Variants in INVS observed in about 807,000 individuals in gnomAD.
The protein encoded by INVS is inversion of embryo turning homolog.
INVS carries 86 observed loss-of-function variants against 108.8 expected under a neutral mutation model. The observed-to-expected ratio is 0.79, with a 90% CI of 0.66 to 0.95. INVS has a LOEUF of 0.95. Among genes scored for constraint, INVS ranks in the 40% least tolerant of loss-of-function variants. The pLI, the probability that INVS is intolerant of heterozygous loss-of-function variation, is 0.00. For synonymous variants in INVS, 455 were observed against 473.5 expected (o/e 0.96, Z 0.51); for missense variants, 1,169 against 1,297.4 (o/e 0.90, Z 1.52).
rs778454721 is a variant in INVS, at chr9:100,272,983, C to G, written c.1691C>G (p.Ala564Gly). ...IQDIAAFKIQ[A>G]VYKGYKVRKA... is the part of the protein sequence containing the mutation. ...GACATCGCCGCCTTCAAAATCCAAG[C>G]TGTCTACAAAGGGTACAAGGTCAGA... is the stretch of plus-strand genomic sequence containing the variant. Residue 564 changes from alanine (A) to glycine (G), a missense_variant, in exon 12 of 17, where the codon GCT becomes GGT. This residue lies in a region of INVS where 271 missense variants were observed against 363.8 expected (regional missense o/e 0.74). Transcript: ENST00000262457. 10 of 1,613,978 alleles carry G rather than the reference C, an allele frequency of 6.2e-6. No individual in the cohort carries two copies. The highest frequency in any genetic ancestry group is 8.5e-6 in the Non-Finnish European group (10 of 1,180,018).
rs527916110 is a variant in INVS, at chr9:100,155,271, A to G, written c.273+28722A>G. Among the ~76,000 whole-genome samples the G allele has an allele frequency of 1.9e-4, 29 of 152,098 alleles. 1 individual carries two copies. The South Asian group carries it at 4.2e-3, about 22-fold the overall frequency. On this transcript the variant is annotated intron_variant, in intron 3 of 16. Coordinates refer to ENST00000262457, the MANE Select transcript of INVS (RefSeq NM_014425.5). ...ATTGATAGACAAATAAAACAAAGAC[A>G]CCTGTGTATTAAGTTGGTAGCTTAA...
intron 3 of INVS, among the ~76,000 whole-genome samples, chr9:100,196,910 G>A (rs1398988749): frequency 6.6e-6 from 1 of 151,820 alleles, no homozygotes; most frequent in African/African-American, 2.4e-5. Flanking sequence ...TCTCTCACTC[G>A]ACACAAAATC....
rs371932940 is a variant in INVS, at chr9:100,292,942, C to G, written c.2685C>G (p.Pro895=). 5.0e-6 allele frequency: 8 copies of G among 1,613,128 alleles called. No homozygotes were observed. Among genetic ancestry groups the G allele is most frequent in the Non-Finnish European group, 6.8e-6 (8 of 1,179,160 alleles). ...AGAGTGTGAATATTGACCTTCTCCCCGTAGAGCTCCGACTGCAGATAATTC... is the reference window on the plus strand; with the variant it reads ...AGAGTGTGAATATTGACCTTCTCCCGGTAGAGCTCCGACTGCAGATAATTC... The part of the protein sequence containing the change: ...SGQSVNIDLL[P]VELRLQIIQR... The change falls in exon 14 of 17, where the codon CCC becomes CCG. Residue 895 remains proline (P), a synonymous_variant. Transcript: ENST00000262457.
chr9:100,100,074 A>T (rs1483866000), intron 1 of INVS, among the ~76,000 whole-genome samples: 1 of 152,164 alleles, frequency 6.6e-6, no homozygotes. Context: ...CTAGTTTTGT[A>T]CGGTTATAAT....
At chr9:100,212,612 T>C (rs1205939839) in intron 3 of INVS, among the ~76,000 whole-genome samples, 5 of 152,162 alleles carry the variant, frequency 3.3e-5, no homozygotes, top group African/African-American at 7.2e-5. Context: ...TATTTTTTTC[T>C]CCCATCTCTT....
intron 5 of INVS, among the ~76,000 whole-genome samples, chr9:100,239,457 C>T (rs1463075901): frequency 1.3e-5 from 2 of 152,114 alleles, no homozygotes; most frequent in Admixed American, 6.5e-5. Context: ...TAAAAACATA[C>T]ATCTTTAGTT....
intron 3 of INVS, among the ~76,000 whole-genome samples, chr9:100,222,566 G>A (rs1014234399): frequency 6.6e-6 from 1 of 152,188 alleles, no homozygotes; most frequent in Non-Finnish European, 1.5e-5. Context: ...TGAGGGTAGA[G>A]TCCTCAGAAT....
At chr9:100,194,503 GTT>G (rs35911770) in intron 3 of INVS, among the ~76,000 whole-genome samples, 5 of 146,230 alleles carry the variant, frequency 3.4e-5, no homozygotes, top group East Asian at 2.0e-4. Flanking sequence ...TAAAATGAGG[GTT>G]TTTTTTTTCA....
intron 3 of INVS, among the ~76,000 whole-genome samples, chr9:100,203,868 C>A (rs1830602632): frequency 6.6e-6 from 1 of 152,152 alleles, no homozygotes; most frequent in African/African-American, 2.4e-5. Flanking sequence ...GTAGGAACTA[C>A]TGCATGTTTC....
intron 2 of INVS, chr9:100,117,300 C>A: frequency 1.4e-6 from 1 of 725,632 alleles, no homozygotes; most frequent in South Asian, 1.5e-5. Flanking sequence ...TGCTTCTGCA[C>A]CGGCGTAACC....
intron 7 of INVS, among the ~76,000 whole-genome samples, chr9:100,245,558 G>T (rs2118521696): frequency 6.6e-6 from 1 of 152,240 alleles, no homozygotes; most frequent in East Asian, 1.9e-4. Flanking sequence ...GGGATTACAG[G>T]CGTGAGCCAC....
At chr9:100,226,028 A>T in intron 3 of INVS, 34 bp from the exon 4 acceptor site, 2 of 1,550,380 alleles carry the variant, frequency 1.3e-6, no homozygotes, top group Non-Finnish European at 1.8e-6. Flanking sequence ...CCCATAGTAC[A>T]TTTTTTTCTT....
intron 10 of INVS, among the ~76,000 whole-genome samples, chr9:100,259,752 A>C (rs1027517499): frequency 2.0e-5 from 3 of 151,612 alleles, no homozygotes; most frequent in Non-Finnish European, 4.4e-5. Flanking sequence ...GTTTCGTCAC[A>C]TTGGCCAGGC....
chr9:100,244,225 A>G (rs1293737913), intron 7 of INVS, among the ~76,000 whole-genome samples: 1 of 152,174 alleles, frequency 6.6e-6, no homozygotes, highest in Non-Finnish European at 1.5e-5. Flanking sequence ...TTGACAAATC[A>G]TTATCTATTA....
At chr9:100,176,025 A>G (rs1466068654) in intron 3 of INVS, 5 of 533,208 alleles carry the variant, frequency 9.4e-6, no homozygotes, top group Admixed American at 5.9e-5. Context: ...TTCCTAAACT[A>G]TTCCAAGAAC....
At chr9:100,245,587 A>G (rs1210121748) in intron 7 of INVS, among the ~76,000 whole-genome samples, 1 of 152,122 alleles carries the variant, frequency 6.6e-6, no homozygotes, top group Non-Finnish European at 1.5e-5. Context: ...GCCCAGTCCT[A>G]ATTTTTGTAT....
intron 3 of INVS, among the ~76,000 whole-genome samples, chr9:100,192,056 C>G (rs1282157262): frequency 6.6e-6 from 1 of 152,112 alleles, no homozygotes; most frequent in Non-Finnish European, 1.5e-5. Context: ...AGTTTTCCAT[C>G]TGGCTCACAG....
chr9:100,254,812 T>C (rs538911790), intron 10 of INVS, among the ~76,000 whole-genome samples: 2 of 152,340 alleles, frequency 1.3e-5, no homozygotes, highest in South Asian at 4.1e-4. Flanking sequence ...CTGTTTTGGT[T>C]ACTGTAGCCT....
Position 100,240,041 on chromosome 9 carries a change from T to C in INVS, c.616-19T>C, listed in dbSNP as rs78038572. 5,136 of 1,608,562 alleles carry C rather than the reference T, an allele frequency of 3.2e-3. 153 individuals are homozygous for C. The African/African-American group carries it at 0.062, about 19-fold the overall frequency. ...GAGGATTCCATGTATGTCTGAAGTC[T>C]CTGGTTCCTTCAAATCAGGATGCTG... On this transcript the variant is annotated intron_variant, in intron 5 of 16. Coordinates refer to ENST00000262457, the MANE Select transcript of INVS (RefSeq NM_014425.5).
Sources: gnomAD v4.1 joint callset for allele counts (sites outside exome capture counted in the v4.1 genomes callset) on GRCh38, gnomAD v4.1.1 for gene constraint, gnomAD v4.1.1 regional missense constraint, MANE v1.5 for transcripts, NCBI Gene and HGNC (gene_info 2026-07-23, HGNC 2026-07-21) for gene names.